SLIT3: variants seen among roughly 807,000 people sequenced by gnomAD.
SLIT3 encodes the protein slit guidance ligand 3.
Under a neutral mutation model 184.0 loss-of-function variants are expected in SLIT3, and 68 were observed. The observed-to-expected ratio is 0.37, with a 90% confidence interval of 0.30 to 0.45. The LOEUF is 0.45. SLIT3 is among the 20% of genes least tolerant of loss of function. The pLI is 1.00. For synonymous variants in SLIT3, 831 were observed against 828.6 expected, an observed-to-expected ratio of 1.00 and a Z score of -0.05; for missense variants, 1,707 against 2,026.0, an observed-to-expected ratio of 0.84 and a Z score of 3.02.
intron 30 of SLIT3, 85 bp downstream of exon 30, chr5:168,686,894 C>T: frequency 6.5e-7 from 1 of 1,539,680 alleles, no homozygotes; most frequent in African/African-American, 1.4e-5. Flanking sequence ...GCCTGAGTCT[C>T]CATTCTGGCC....
At chr5:169,189,569 T>G (rs886082147) in intron 4 of SLIT3, among the ~76,000 whole-genome samples, 2 of 119,138 alleles carry the variant, frequency 1.7e-5, no homozygotes, top group Admixed American at 8.5e-5. Flanking sequence ...TATATATATA[T>G]ATATATATAT....
intron 26 of SLIT3, among the ~76,000 whole-genome samples, chr5:168,702,184 CTG>C (rs1350269975): frequency 6.6e-6 from 1 of 152,220 alleles, no homozygotes; most frequent in East Asian, 1.9e-4. Context: ...GGAATGGAAA[CTG>C]TAATACTAAT....
rs375394267 is a variant in SLIT3, at chr5:168,666,475, G to T, written c.4551C>A (p.Cys1517Ter). ...FVEEVERHLECGCLACS is the reference protein window; with the variant it reads ...FVEEVERHLE ...GGGCTTAGGAACACGCGAGGCAGCCGCACTCTAAGTGTCTCTCCACCTCTT... is the reference window on the plus strand; with the variant it reads ...GGGCTTAGGAACACGCGAGGCAGCCTCACTCTAAGTGTCTCTCCACCTCTT... The change falls in exon 36 of 36, where the codon TGC becomes TGA. Residue 1517 changes from cysteine (C) to a stop codon, truncating the protein, a stop_gained. Transcript: ENST00000519560. LOFTEE classifies it high-confidence loss of function. 6.3e-7 allele frequency: 1 copy of T among 1,582,902 alleles called. No homozygotes were observed.
intron 4 of SLIT3, among the ~76,000 whole-genome samples, chr5:168,909,542 C>A (rs1562000992): frequency 6.6e-6 from 1 of 152,284 alleles, no homozygotes; most frequent in African/African-American, 2.4e-5. Context: ...TATCATTGAG[C>A]TTGCGTTGTT....
At chr5:168,871,282 T>C (rs1401960792) in intron 5 of SLIT3, among the ~76,000 whole-genome samples, 1 of 152,248 alleles carries the variant, frequency 6.6e-6, no homozygotes, top group African/African-American at 2.4e-5. Flanking sequence ...TTGAAGAACC[T>C]GAATTCTTGA....
chr5:169,227,361 GTTATC>G (rs1433075120), intron 3 of SLIT3, among the ~76,000 whole-genome samples: 2 of 152,178 alleles, frequency 1.3e-5, no homozygotes, highest in Admixed American at 1.3e-4. Flanking sequence ...CCTTACATGC[GTTATC>G]TTAATTAGTC....
intron 4 of SLIT3, among the ~76,000 whole-genome samples, chr5:169,172,527 T>C (rs1442304393): frequency 1.3e-5 from 2 of 152,212 alleles, no homozygotes; most frequent in African/African-American, 4.8e-5. Flanking sequence ...AAGCCTTCCA[T>C]ACATCCTTTA....
In SLIT3 at chr5:168,689,545, C is replaced by T. The variant is rs80101298; in HGVS notation, c.3177-2429G>A. 3.5e-3 allele frequency among the ~76,000 whole-genome samples: 536 copies of T among 152,294 alleles called. 3 individuals carry two copies. The highest frequency in any genetic ancestry group is 0.012 in the African/African-American group (487 of 41,554). The stretch of plus-strand genomic sequence containing the variant: ...CTCATAAAATGTGAATGAGTTTCTA[C>T]GTTCTAAGATTGTTGGATGTTGGAT... On this transcript the variant is annotated intron_variant, in intron 29 of 35. Transcript: ENST00000519560.
At chr5:169,048,864 C>G (rs910205064) in intron 4 of SLIT3, among the ~76,000 whole-genome samples, 3 of 152,094 alleles carry the variant, frequency 2.0e-5, no homozygotes, top group Non-Finnish European at 4.4e-5. Context: ...GAAAAATTCC[C>G]CACTTAATTA....
intron 4 of SLIT3, among the ~76,000 whole-genome samples, chr5:169,146,389 G>A (rs1159584427): frequency 1.3e-5 from 2 of 152,174 alleles, no homozygotes; most frequent in South Asian, 2.1e-4. Context: ...TCTTTCAAAC[G>A]AGGGAATCTA....
intron 4 of SLIT3, among the ~76,000 whole-genome samples, chr5:168,964,265 AG>A (rs1210372266): frequency 6.6e-6 from 1 of 152,240 alleles, no homozygotes; most frequent in African/African-American, 2.4e-5. Context: ...AACTGGACAT[AG>A]TGATGGAATA....
chr5:168,920,173 G>A (rs938652043), intron 4 of SLIT3, among the ~76,000 whole-genome samples: 1 of 152,256 alleles, frequency 6.6e-6, no homozygotes, highest in African/African-American at 2.4e-5. Context: ...CACTTGGGCA[G>A]AATTCTAGAA....
At chr5:168,888,182 C>T (rs997826991) in intron 4 of SLIT3, among the ~76,000 whole-genome samples, 1 of 152,206 alleles carries the variant, frequency 6.6e-6, no homozygotes, top group African/African-American at 2.4e-5. Flanking sequence ...AATAAAAGTA[C>T]AATCAGGTGA....
chr5:168,852,337 C>T (rs1317653738), intron 5 of SLIT3, among the ~76,000 whole-genome samples: 2 of 152,096 alleles, frequency 1.3e-5, no homozygotes, highest in Non-Finnish European at 2.9e-5. Flanking sequence ...TAGTTTTTTT[C>T]TTTTTATCCC....
At chr5:168,723,356 C>T (rs1763006596) in intron 21 of SLIT3, among the ~76,000 whole-genome samples, 1 of 151,626 alleles carries the variant, frequency 6.6e-6, no homozygotes, top group Non-Finnish European at 1.5e-5. Context: ...ATCCATCCAC[C>T]CACTTATCTA....
intron 4 of SLIT3, among the ~76,000 whole-genome samples, chr5:169,149,667 A>C (rs549321951): frequency 6.9e-4 from 105 of 152,336 alleles, no homozygotes; most frequent in Non-Finnish European, 7.1e-4. Context: ...TGAATAACGT[A>C]AAATGGTTTT....
intron 3 of SLIT3, among the ~76,000 whole-genome samples, chr5:169,214,429 C>T (rs1017370310): frequency 6.6e-5 from 10 of 152,238 alleles, no homozygotes; most frequent in East Asian, 5.8e-4. Flanking sequence ...ACCCAGGAAC[C>T]GCAGTGAGGA....
chr5:169,147,352 T>A (rs1215851056), intron 4 of SLIT3, among the ~76,000 whole-genome samples: 4 of 152,180 alleles, frequency 2.6e-5, no homozygotes, highest in Non-Finnish European at 5.9e-5. Flanking sequence ...CACTGCAACC[T>A]CCACCTCCCG....
At position 168,666,168 on chromosome 5, in the gene SLIT3, AAC is replaced by A. The variant is rs1319127798; in HGVS notation, c.*284_*285del. On this transcript the variant is annotated 3_prime_UTR_variant, in exon 36 of 36. Transcript: ENST00000519560. ...AAATTTTTAAACAGCTATTTTTAAA[AAC>A]ACAACAAATACACAACACAAAACTT... 2.3e-5 allele frequency: 6 copies of A among 263,882 alleles called. No individual in the cohort carries two copies. Among genetic ancestry groups the A allele is most frequent in the East Asian group, 2.1e-4 (3 of 14,116 alleles). 16.3% of individuals were successfully genotyped at this position (263,882 alleles called of 1,614,324 possible).
Sources: allele counts gnomAD v4.1 joint callset (sites outside exome capture counted in the v4.1 genomes callset), GRCh38; gene constraint gnomAD v4.1.1; transcripts MANE v1.5; gene names NCBI Gene and HGNC (gene_info 2026-07-23, HGNC 2026-07-21).